The following WWOX variants were observed in gnomAD, a reference collection of about 807,000 sequenced individuals.
WWOX encodes the protein WW domain-containing oxidoreductase.
WWOX carries 69 observed loss-of-function variants against 46.2 expected under a neutral mutation model. The observed-to-expected ratio is 1.49, with a 90% CI of 1.23 to 1.82. The LOEUF is 1.82. Among genes scored for constraint, WWOX ranks in the 40% most tolerant of loss-of-function variants. The probability of loss-of-function intolerance (pLI) is 0.00; values close to 1 mark genes in which losing one functional copy is unlikely to be tolerated. For synonymous variants in WWOX, 359 were observed against 202.6 expected, an observed-to-expected ratio of 1.77 and a Z score of -6.56; for missense variants, 919 against 542.6, an observed-to-expected ratio of 1.69 and a Z score of -6.89.
intron 5 of WWOX, among the ~76,000 whole-genome samples, chr16:78,315,608 C>G (rs1266442034): frequency 3.3e-5 from 5 of 152,082 alleles, no homozygotes; most frequent in African/African-American, 9.7e-5. Flanking sequence ...TGAGATCATG[C>G]CACTGTACTC....
In WWOX at chr16:78,297,756, C is replaced by A. The variant is rs189595914; in HGVS notation, c.517-89104C>A. The stretch of plus-strand genomic sequence containing the variant: ...GCATGGTGGAATACAAAAGTCATGA[C>A]CTGTCTTTATATCCTAGTATGGGCA... On this transcript the variant is annotated intron_variant, in intron 5 of 8. Coordinates refer to ENST00000566780, the MANE Select transcript of WWOX (RefSeq NM_016373.4). Among the ~76,000 whole-genome samples the A allele has an allele frequency of 2.0e-5, 3 of 152,218 alleles. No homozygotes were observed. The East Asian group carries it at 5.8e-4, about 29-fold the overall frequency.
chr16:78,276,252 G>A (rs1270214292), intron 5 of WWOX, among the ~76,000 whole-genome samples: 1 of 152,150 alleles, frequency 6.6e-6, no homozygotes, highest in African/African-American at 2.4e-5. Context: ...AGGTTAGTTA[G>A]CTCCTCCCAG....
chr16:78,435,445 C>T (rs1286845860), intron 8 of WWOX, among the ~76,000 whole-genome samples: 1 of 152,196 alleles, frequency 6.6e-6, no homozygotes, highest in African/African-American at 2.4e-5. Flanking sequence ...AACAAATGTC[C>T]TCTGGGAGCA....
chr16:79,047,840 G>A (rs1299858608), intron 8 of WWOX, among the ~76,000 whole-genome samples: 2 of 151,886 alleles, frequency 1.3e-5, no homozygotes, highest in Admixed American at 6.6e-5. Context: ...TTGTAGTCCT[G>A]CATGAATGAA....
At chr16:78,313,960 A>G (rs1274439162) in intron 5 of WWOX, among the ~76,000 whole-genome samples, 1 of 152,322 alleles carries the variant, frequency 6.6e-6, no homozygotes. Context: ...ACACAGGTTC[A>G]GGAGACCAGG....
chr16:78,532,462 A>G (rs1351131367), intron 8 of WWOX, among the ~76,000 whole-genome samples: 2 of 152,160 alleles, frequency 1.3e-5, no homozygotes, highest in African/African-American at 4.8e-5. Flanking sequence ...CATGCTTTGT[A>G]ATTTTTTTTA....
rs73570475 is a variant in WWOX at position 78,235,615 on chromosome 16, G to A, written c.516+71326G>A. On this transcript the variant is annotated intron_variant, in intron 5 of 8. Transcript: ENST00000566780. The stretch of plus-strand genomic sequence containing the variant: ...CTGGTGTCTTTTGTCTTTTGCAGCC[G>A]GCTTGCAATTGCCTCCTTCTAACTC... Among the ~76,000 whole-genome samples the A allele has an allele frequency of 7.6e-3, 1,155 of 152,216 alleles. 18 individuals carry two copies. The highest frequency in any genetic ancestry group is 0.027 in the African/African-American group (1,118 of 41,522).
chr16:78,665,565 T>G (rs1028985354), intron 8 of WWOX, among the ~76,000 whole-genome samples: 29 of 152,216 alleles, frequency 1.9e-4, no homozygotes, highest in African/African-American at 6.7e-4. Context: ...TAATCTCCTT[T>G]CCCTCTACCA....
chr16:78,861,319 C>A (rs914255056), intron 8 of WWOX, among the ~76,000 whole-genome samples: 1 of 152,194 alleles, frequency 6.6e-6, no homozygotes, highest in African/African-American at 2.4e-5. Context: ...CACCTATCCA[C>A]CTATTAACTT....
At chr16:78,949,687 G>C (rs1427107129) in intron 8 of WWOX, among the ~76,000 whole-genome samples, 7 of 152,200 alleles carry the variant, frequency 4.6e-5, no homozygotes, top group Non-Finnish European at 1.5e-5. Context: ...GTATACGTGT[G>C]GCTTCTTTTG....
At chr16:78,422,907 A>G (rs916168527) in intron 6 of WWOX, among the ~76,000 whole-genome samples, 3 of 146,744 alleles carry the variant, frequency 2.0e-5, no homozygotes, top group Non-Finnish European at 3.0e-5. Flanking sequence ...TTTCTTTTAG[A>G]TGGAGTGTCT....
chr16:79,081,636 T>G lies in WWOX; in HGVS notation c.1057-129972T>G, dbSNP rs2048762265. 4.6e-5 allele frequency among the ~76,000 whole-genome samples: 7 copies of G among 152,296 alleles called. No individual in the cohort carries two copies. In the South Asian group the frequency reaches 1.5e-3, roughly 32 times the overall value. On this transcript the variant is annotated intron_variant, in intron 8 of 8. Transcript: ENST00000566780. Reference sequence around the variant, plus strand: ...CCTCATTGGTCAAGACTTTTCTCACTGCATTATATTTGAGTGAGACCCGTA... The same window carrying G: ...CCTCATTGGTCAAGACTTTTCTCACGGCATTATATTTGAGTGAGACCCGTA...
At chr16:79,165,150 G>GAA (rs5818206) in intron 8 of WWOX, among the ~76,000 whole-genome samples, 25 of 136,492 alleles carry the variant, frequency 1.8e-4, no homozygotes, top group African/African-American at 2.9e-4. Flanking sequence ...TAAAACGAAG[G>GAA]AAAAAAAAAA....
chr16:78,386,572 C>G (rs936247650), intron 5 of WWOX, among the ~76,000 whole-genome samples: 4 of 152,056 alleles, frequency 2.6e-5, no homozygotes, highest in Admixed American at 1.3e-4. Flanking sequence ...ATAACGTTAG[C>G]CCGAAGCGCC....
chr16:79,111,466 C>A (rs1370442188), intron 8 of WWOX, among the ~76,000 whole-genome samples: 4 of 152,036 alleles, frequency 2.6e-5, no homozygotes, highest in Non-Finnish European at 5.9e-5. Flanking sequence ...AAAATGTAGA[C>A]CTAACTGAAA....
intron 8 of WWOX, among the ~76,000 whole-genome samples, chr16:78,779,909 A>G (rs865907907): frequency 6.6e-6 from 1 of 152,186 alleles, no homozygotes; most frequent in Admixed American, 6.5e-5. Context: ...TATAGATTAA[A>G]ACAGAAGCTC....
At chr16:78,363,833 G>T (rs1244750445) in intron 5 of WWOX, among the ~76,000 whole-genome samples, 1 of 152,150 alleles carries the variant, frequency 6.6e-6, no homozygotes, top group Non-Finnish European at 1.5e-5. Context: ...TGGAGAGCAG[G>T]AACTTGCCCG....
intron 8 of WWOX, among the ~76,000 whole-genome samples, chr16:78,957,557 C>G (rs943454441): frequency 6.6e-6 from 1 of 152,152 alleles, no homozygotes; most frequent in Admixed American, 6.5e-5. Context: ...AATCTCGGGT[C>G]TTCTTTCTGG....
chr16:79,210,305 T>G (rs1260870455), intron 8 of WWOX, among the ~76,000 whole-genome samples: 4 of 152,160 alleles, frequency 2.6e-5, no homozygotes, highest in Non-Finnish European at 5.9e-5. Context: ...ACACCTTCCT[T>G]GGGACCCTAT....
Sources: gnomAD v4.1 joint callset for allele counts (sites outside exome capture counted in the v4.1 genomes callset) on GRCh38, gnomAD v4.1.1 for gene constraint, MANE v1.5 for transcripts, NCBI Gene and HGNC (gene_info 2026-07-23, HGNC 2026-07-21) for gene names.